Variants in IQCJ observed in about 807,000 individuals in gnomAD.
The protein encoded by IQCJ is IQ domain-containing protein J.
In IQCJ, 9 loss-of-function variants were observed where a neutral mutation model predicts 11.0. That is an observed-to-expected ratio of 0.82 (90% CI 0.49 to 1.43). IQCJ has a LOEUF of 1.43. Ranked by LOEUF, IQCJ falls within the 40% of genes most tolerant of loss-of-function variation. The pLI, the probability that IQCJ is intolerant of heterozygous loss-of-function variation, is 0.00. For missense variants in IQCJ, 146 were observed against 133.2 expected (o/e 1.10, Z -0.47); for synonymous variants, 55 against 51.3 (o/e 1.07, Z -0.31).
At chr3:159,177,293 A>G (rs542385878) in intron 1 of IQCJ, among the ~76,000 whole-genome samples, 2 of 152,280 alleles carry the variant, frequency 1.3e-5, no homozygotes, top group African/African-American at 2.4e-5. Flanking sequence ...ACCCTGCTCA[A>G]CAATCCTTAT....
chr3:159,205,013 A>T (rs1724566756), intron 1 of IQCJ, among the ~76,000 whole-genome samples: 1 of 152,136 alleles, frequency 6.6e-6, no homozygotes, highest in Non-Finnish European at 1.5e-5. Context: ...TCCTGGTCTC[A>T]CATGTTTGTT....
chr3:159,071,853 A>G (rs1715585032), intron 1 of IQCJ, among the ~76,000 whole-genome samples: 1 of 152,090 alleles, frequency 6.6e-6, no homozygotes, highest in African/African-American at 2.4e-5. Context: ...AAATGATTGT[A>G]AAACACTTAC....
At chr3:159,243,204 T>C (rs1253728315) in intron 1 of IQCJ, among the ~76,000 whole-genome samples, 1 of 152,168 alleles carries the variant, frequency 6.6e-6, no homozygotes, top group Non-Finnish European at 1.5e-5. Context: ...AAGTTAAACA[T>C]GTATTTACCT....
chr3:159,075,185 A>G (rs1468865487), intron 1 of IQCJ, among the ~76,000 whole-genome samples: 11 of 152,166 alleles, frequency 7.2e-5, no homozygotes, highest in Non-Finnish European at 1.2e-4. Context: ...GGAATTTGCA[A>G]TGCAATATGA....
chr3:159,258,579 A>G (rs188912737), intron 3 of IQCJ, among the ~76,000 whole-genome samples: 115 of 152,282 alleles, frequency 7.6e-4, no homozygotes, highest in African/African-American at 2.5e-3. Context: ...AGCTCTATGT[A>G]TGTCAGCTAT....
rs991709564 is a variant in IQCJ, at chr3:159,089,288, C to T, written c.9+19847C>T. Among the ~76,000 whole-genome samples, 33 of 152,272 alleles carry T rather than the reference C, an allele frequency of 2.2e-4. No individual in the cohort carries two copies. In the Middle Eastern group the frequency reaches 0.01, roughly 47 times the overall value. ...CTTGTAGCGTTTCTGCCGAAAGATCCGCTGTTAGTCTGATGGGCTTCCCTT... is the reference window on the plus strand; with the variant it reads ...CTTGTAGCGTTTCTGCCGAAAGATCTGCTGTTAGTCTGATGGGCTTCCCTT... On this transcript the variant is annotated intron_variant, in intron 1 of 3. Transcript: ENST00000397832.
intron 1 of IQCJ, among the ~76,000 whole-genome samples, chr3:159,115,899 A>G (rs887148162): frequency 2.0e-5 from 3 of 152,140 alleles, no homozygotes; most frequent in African/African-American, 7.2e-5. Context: ...GGGCATGGGT[A>G]TCACACACTG....
intron 1 of IQCJ, among the ~76,000 whole-genome samples, chr3:159,165,500 A>G (rs1722112395): frequency 6.6e-6 from 1 of 152,246 alleles, no homozygotes; most frequent in Non-Finnish European, 1.5e-5. Context: ...CTCTGTGAAC[A>G]TAAAGCTATG....
At chr3:159,165,619 CTTT>C (rs72123015) in intron 1 of IQCJ, among the ~76,000 whole-genome samples, 1 of 142,634 alleles carries the variant, frequency 7.0e-6, no homozygotes. Flanking sequence ...GTTAAAGCTT[CTTT>C]TTTTTTTTTT....
intron 1 of IQCJ, among the ~76,000 whole-genome samples, chr3:159,114,956 A>G (rs1251958226): frequency 6.6e-6 from 1 of 152,212 alleles, no homozygotes; most frequent in Non-Finnish European, 1.5e-5. Flanking sequence ...GTTAGTGTGT[A>G]ATTCATGCTT....
chr3:159,222,587 G>C (rs998961233), intron 1 of IQCJ, among the ~76,000 whole-genome samples: 1 of 152,158 alleles, frequency 6.6e-6, no homozygotes, highest in Non-Finnish European at 1.5e-5. Flanking sequence ...CAAACTTGCA[G>C]TTATGTAGGA....
At chr3:159,197,481 C>A (rs1382216033) in intron 1 of IQCJ, among the ~76,000 whole-genome samples, 1 of 152,118 alleles carries the variant, frequency 6.6e-6, no homozygotes, top group East Asian at 1.9e-4. Context: ...GGCATCCGAG[C>A]CTTCCCTGGA....
At chr3:159,135,432 A>G (rs1242255998) in intron 1 of IQCJ, among the ~76,000 whole-genome samples, 1 of 152,210 alleles carries the variant, frequency 6.6e-6, no homozygotes, top group African/African-American at 2.4e-5. Flanking sequence ...CTGCTGTAAC[A>G]AAACCCCAGA....
chr3:159,246,674 G>A (rs918116363), intron 2 of IQCJ, among the ~76,000 whole-genome samples: 5 of 152,162 alleles, frequency 3.3e-5, no homozygotes, highest in African/African-American at 1.2e-4. Flanking sequence ...AAGAGTATTA[G>A]AAGAGGTCAA....
At chr3:159,256,918 T>A (rs977807134) in intron 3 of IQCJ, among the ~76,000 whole-genome samples, 1 of 152,220 alleles carries the variant, frequency 6.6e-6, no homozygotes. Flanking sequence ...TACATTATCC[T>A]TGACTTCTTG....
chr3:159,084,855 T>G (rs1716596931), intron 1 of IQCJ, among the ~76,000 whole-genome samples: 2 of 152,030 alleles, frequency 1.3e-5, no homozygotes, highest in African/African-American at 2.4e-5. Context: ...TCTAGTCCTG[T>G]CTTTCGGGTC....
chr3:159,245,827 C>T lies in IQCJ; in HGVS notation c.10-16C>T, dbSNP rs763156608. ...GCTGGTGACAATTTGTAAGATATAT[C>T]TTCTCTTTTTCACAGGAAGAACTGA... On this transcript the variant is annotated splice_polypyrimidine_tract_variant and intron_variant, in intron 1 of 3. Coordinates refer to ENST00000397832, the MANE Select transcript of IQCJ (RefSeq NM_001042706.3). 3.5e-5 allele frequency: 54 copies of T among 1,537,672 alleles called. No homozygotes were observed. The South Asian group carries it at 5.8e-4, about 16-fold the overall frequency.
At chr3:159,120,887 T>TG (rs1158069377) in intron 1 of IQCJ, among the ~76,000 whole-genome samples, 1 of 152,226 alleles carries the variant, frequency 6.6e-6, no homozygotes, top group Non-Finnish European at 1.5e-5. Flanking sequence ...TGCCTATTTC[T>TG]GGGTTTATAT....
intron 1 of IQCJ, among the ~76,000 whole-genome samples, chr3:159,245,501 G>A (rs866144345): frequency 3.2e-4 from 40 of 126,968 alleles, no homozygotes; most frequent in East Asian, 9.2e-4. Flanking sequence ...TCACTCTGTC[G>A]CCCAGGCTGG....
Sources: allele counts gnomAD v4.1 joint callset (sites outside exome capture counted in the v4.1 genomes callset), GRCh38; gene constraint gnomAD v4.1.1; transcripts MANE v1.5; gene names NCBI Gene and HGNC (gene_info 2026-07-23, HGNC 2026-07-21).